The following EPM2A variants were observed in gnomAD, a reference collection of about 807,000 sequenced individuals.
EPM2A encodes the protein EPM2A glucan phosphatase, laforin.
Under a neutral mutation model 26.5 loss-of-function variants are expected in EPM2A, and 21 were observed. That is an observed-to-expected ratio of 0.79 (90% confidence interval 0.56 to 1.14). The LOEUF is 1.14. EPM2A is among the 50% of genes most tolerant of loss of function. The pLI is 0.00. For synonymous variants in EPM2A, 217 were observed against 177.6 expected, an observed-to-expected ratio of 1.22 and a Z score of -1.76; for missense variants, 458 against 440.8, an observed-to-expected ratio of 1.04 and a Z score of -0.35.
chr6:145,475,029 A>C (rs903886222), intron 4 of EPM2A, among the ~76,000 whole-genome samples: 4 of 152,202 alleles, frequency 2.6e-5, no homozygotes, highest in Non-Finnish European at 4.4e-5. Flanking sequence ...TGGGAGTGTA[A>C]ATTAGTTCAA....
chr6:145,469,380 C>A (rs1227494161), intron 4 of EPM2A, among the ~76,000 whole-genome samples: 9 of 151,996 alleles, frequency 5.9e-5, no homozygotes, highest in Non-Finnish European at 1.5e-5. Context: ...ATCAACATTT[C>A]TCAAAAGAAG....
intron 2 of EPM2A, chr6:145,670,924 C>A: frequency 1.0e-6 from 1 of 985,140 alleles, no homozygotes; most frequent in Non-Finnish European, 1.2e-6. Context: ...CAGAAGAATT[C>A]AACAAAAAGG....
chr6:145,641,162 T>G lies in EPM2A; in HGVS notation c.477-5676A>C, dbSNP rs532730779. The G allele has an allele frequency of 4.6e-5, 7 of 152,276 alleles. No individual in the cohort carries two copies. In the East Asian group the frequency reaches 1.4e-3, roughly 29 times the overall value. The allele number at this position is 152,276 out of a possible 1,614,324, so 9.4% of individuals were successfully genotyped here. Reference sequence around the variant, plus strand: ...TGCCATATCATTAATTATAAAGGCCTATTATGTTGACTTGTGTCCCCCTCC... The same window carrying G: ...TGCCATATCATTAATTATAAAGGCCGATTATGTTGACTTGTGTCCCCCTCC... On this transcript the variant is annotated intron_variant, in intron 2 of 3. Coordinates refer to ENST00000367519, the MANE Select transcript of EPM2A (RefSeq NM_005670.4).
intron 1 of EPM2A, among the ~76,000 whole-genome samples, chr6:145,698,305 A>C (rs1781727914): frequency 6.6e-6 from 1 of 152,226 alleles, no homozygotes; most frequent in African/African-American, 2.4e-5. Context: ...GTTGTTTAGC[A>C]GTCCAGTATG....
At chr6:145,498,895 G>A (rs2114748948), downstream of EPM2A, among the ~76,000 whole-genome samples, 1 of 152,112 alleles carries the variant, frequency 6.6e-6, no homozygotes, top group Middle Eastern at 3.4e-3. Context: ...CGGCTATTTT[G>A]AAGAGTGTGA....
intron 2 of EPM2A, among the ~76,000 whole-genome samples, chr6:145,646,944 A>T (rs1012286477): frequency 3.3e-5 from 5 of 152,084 alleles, no homozygotes; most frequent in Admixed American, 1.3e-4. Context: ...TCTTCTCCCT[A>T]TCCCTTCCCC....
intron 4 of EPM2A, among the ~76,000 whole-genome samples, chr6:145,465,094 C>T (rs1198573652): frequency 2.0e-5 from 3 of 151,954 alleles, no homozygotes; most frequent in African/African-American, 7.3e-5. Flanking sequence ...CCATTCTCCC[C>T]GTCACTTTCA....
At position 145,627,201 on chromosome 6, in the gene EPM2A, C is replaced by T; in HGVS notation, c.*215G>A. On this transcript the variant is annotated 3_prime_UTR_variant, in exon 4 of 4. Coordinates refer to ENST00000367519, the MANE Select transcript of EPM2A (RefSeq NM_005670.4). ...ACAGCCTAACTGCTTCGTGCTTCTT[C>T]TCATGTGTTGAGCCACAGCTTTCTT... 1 of 1,439,168 alleles carries T rather than the reference C, an allele frequency of 6.9e-7. No individual in the cohort carries two copies. The highest frequency in any genetic ancestry group is 9.1e-7 in the Non-Finnish European group (1 of 1,102,210). 89.1% of individuals were successfully genotyped at this position (1,439,168 alleles called of 1,614,324 possible).
intron 4 of EPM2A, among the ~76,000 whole-genome samples, chr6:145,437,005 T>A (rs944341142): frequency 3.3e-5 from 5 of 152,184 alleles, no homozygotes; most frequent in Admixed American, 6.5e-5. Flanking sequence ...TTAAAATAGC[T>A]TTTTTGCTGA....
chr6:145,675,932 C>A (rs1780001081), intron 2 of EPM2A, among the ~76,000 whole-genome samples: 1 of 152,134 alleles, frequency 6.6e-6, no homozygotes, highest in South Asian at 2.1e-4. Flanking sequence ...CCAAGCAGAC[C>A]TAATAGACAT....
chr6:145,545,692 C>T (rs1780573764), intron 2 of EPM2A, among the ~76,000 whole-genome samples: 2 of 152,118 alleles, frequency 1.3e-5, no homozygotes, highest in South Asian at 2.1e-4. Context: ...ATAAATGTGC[C>T]CTATAGAGCC....
At chr6:145,555,146 T>C (rs2114808258) in intron 2 of EPM2A, among the ~76,000 whole-genome samples, 1 of 152,236 alleles carries the variant, frequency 6.6e-6, no homozygotes, top group African/African-American at 2.4e-5. Flanking sequence ...ACAGGATCCT[T>C]GAATGGTTTA....
In EPM2A at chr6:145,635,274, C is replaced by G. The variant is rs1231872883; in HGVS notation, c.689G>C (p.Trp230Ser). The G allele has an allele frequency of 6.2e-7, 1 of 1,614,142 alleles. No individual in the cohort carries two copies. The highest frequency in any genetic ancestry group is 2.2e-5 in the East Asian group (1 of 44,870). ...LYREEGLAYI[W>S]MPTPDMSTEG... ...GGTGCTCATATCTGGTGTTGGCATC[C>G]AGATGTAGGCCAAGCCTTCTTCCCT... The change falls in exon 3 of 4, where the codon TGG becomes TCG. Residue 230 changes from tryptophan to serine, a missense_variant. Coordinates refer to ENST00000367519, the MANE Select transcript of EPM2A (RefSeq NM_005670.4).
intron 2 of EPM2A, chr6:145,502,691 C>T (rs1779908844): frequency 2.4e-6 from 1 of 423,928 alleles, no homozygotes; most frequent in African/African-American, 2.0e-5. Flanking sequence ...GTGACTATTT[C>T]CTATCATGTA....
chr6:145,434,499 A>G (rs1288395412), intron 4 of EPM2A, among the ~76,000 whole-genome samples: 2 of 151,744 alleles, frequency 1.3e-5, no homozygotes, highest in Admixed American at 1.3e-4. Flanking sequence ...CTTTTAAGTA[A>G]TCATTTTTAT....
intron 2 of EPM2A, among the ~76,000 whole-genome samples, chr6:145,508,779 C>A (rs532522005): frequency 1.3e-5 from 2 of 152,214 alleles, no homozygotes; most frequent in African/African-American, 4.8e-5. Flanking sequence ...ATATAGAATT[C>A]AAAATGTGGA....
At chr6:145,716,877 C>A (rs1447094669) in intron 1 of EPM2A, among the ~76,000 whole-genome samples, 1 of 152,150 alleles carries the variant, frequency 6.6e-6, no homozygotes, top group Non-Finnish European at 1.5e-5. Context: ...TTTTTAAAAA[C>A]AGCTTTGTTG....
At chr6:145,468,781 C>T (rs1476941828) in intron 4 of EPM2A, among the ~76,000 whole-genome samples, 2 of 151,954 alleles carry the variant, frequency 1.3e-5, no homozygotes, top group Non-Finnish European at 1.5e-5. Flanking sequence ...AAAAACTGGA[C>T]ATATTGGATC....
chr6:145,735,152 C>T, intron 1 of EPM2A, 46 bp downstream of exon 1: 3 of 1,408,732 alleles, frequency 2.1e-6, no homozygotes, highest in Non-Finnish European at 2.8e-6. Context: ...GGGGTGCGGG[C>T]CGGAGCTCCC....
Sources: gnomAD v4.1 joint callset for allele counts (sites outside exome capture counted in the v4.1 genomes callset) on GRCh38, gnomAD v4.1.1 for gene constraint, MANE v1.5 for transcripts, NCBI Gene and HGNC (gene_info 2026-07-23, HGNC 2026-07-21) for gene names.